The following VPS35L variants were observed in gnomAD, a reference collection of about 807,000 sequenced individuals.
The protein encoded by VPS35L is VPS35 endosomal protein sorting factor like.
A neutral mutation model predicts 133.0 loss-of-function variants in VPS35L; 83 were observed. The ratio of observed to expected loss-of-function variants is 0.62; its 90% CI spans 0.52 to 0.75. The LOEUF (loss-of-function observed/expected upper bound fraction) is 0.75, where lower values mean the gene tolerates loss of function less well. Ranked by LOEUF, VPS35L falls within the 30% of genes least tolerant of loss-of-function variation. VPS35L has a pLI of 0.00. For synonymous variants in VPS35L, 423 were observed against 449.9 expected (o/e 0.94, Z 0.76); for missense variants, 1,083 against 1,206.8 (o/e 0.90, Z 1.52).
chr16:19,624,693 A>C lies in VPS35L; in HGVS notation c.1225-1484A>C, dbSNP rs1597372185. On this transcript the variant is annotated intron_variant, in intron 14 of 30. Transcript: ENST00000417362. ...ATTCCTGGGCTCAAGCGAGCTTCCC[A>C]CCTCAGCCTCCCAAAGTGCTGGGAT... is the stretch of plus-strand genomic sequence containing the variant. Among the ~76,000 whole-genome samples the C allele has an allele frequency of 2.6e-5, 4 of 151,828 alleles. 1 individual carries two copies. The Middle Eastern group carries it at 0.014, about 516-fold the overall frequency.
chr16:19,561,022 A>AT (rs1971011719), intron 1 of VPS35L, among the ~76,000 whole-genome samples: 12 of 152,062 alleles, frequency 7.9e-5, no homozygotes, highest in Admixed American at 7.9e-4. Context: ...TTTTGTAAAT[A>AT]TGACCCCAGA....
At chr16:19,651,185 TG>T (rs1974112402) in intron 25 of VPS35L, among the ~76,000 whole-genome samples, 1 of 151,188 alleles carries the variant, frequency 6.6e-6, no homozygotes, top group Non-Finnish European at 1.5e-5. Flanking sequence ...CCTGGCCTGA[TG>T]TTAAACTTTG....
At chr16:19,675,210 C>T (rs72769513) in intron 27 of VPS35L, among the ~76,000 whole-genome samples, 32,269 of 151,470 alleles carry the variant, frequency 0.21, 4,082 homozygotes, top group Non-Finnish European at 0.28. Flanking sequence ...CTTGACTTCC[C>T]AAAGTGCTGG....
At chr16:19,654,378 A>T (rs987338801) in intron 26 of VPS35L, among the ~76,000 whole-genome samples, 1 of 149,498 alleles carries the variant, frequency 6.7e-6, no homozygotes, top group Admixed American at 6.6e-5. Context: ...TAGGACAGGC[A>T]CGTGTCTTCA....
Position 19,669,190 on chromosome 16 carries a change from T to A in VPS35L, c.2252T>A (p.Leu751His). 1 of 1,611,820 alleles carries A rather than the reference T, an allele frequency of 6.2e-7. No individual in the cohort carries two copies. Among genetic ancestry groups the A allele is most frequent in the Non-Finnish European group, 8.5e-7 (1 of 1,178,268 alleles). ...GCTTTTTTCAAAGCCGCTATAAGCCTTGTTCCGGAAGTTCCAAAGATGATT... is the reference window on the plus strand; with the variant it reads ...GCTTTTTTCAAAGCCGCTATAAGCCATGTTCCGGAAGTTCCAAAGATGATT... Reference protein sequence around the residue: ...ADAFFKAAISLVPEVPKMINI... With the variant: ...ADAFFKAAISHVPEVPKMINI... Residue 751 changes from leucine to histidine, a missense_variant, in exon 27 of 31, where the codon CTT becomes CAT. Physicochemically the swap from Leu to His is moderately conservative, Grantham distance 99. Coordinates refer to ENST00000417362, the MANE Select transcript of VPS35L (RefSeq NM_020314.7).
intron 29 of VPS35L, among the ~76,000 whole-genome samples, chr16:19,694,954 T>G (rs936164348): frequency 2.0e-5 from 3 of 149,716 alleles, no homozygotes; most frequent in Non-Finnish European, 4.4e-5. Context: ...TGCAGTGAGC[T>G]GAGATCACGC....
chr16:19,625,104 A>C (rs1206652479), intron 14 of VPS35L, among the ~76,000 whole-genome samples: 2 of 151,550 alleles, frequency 1.3e-5, no homozygotes, highest in Admixed American at 6.6e-5. Context: ...CCTTTGGCGG[A>C]GGCGGGGAAA....
At chr16:19,589,998 G>C (rs1256715587) in intron 7 of VPS35L, among the ~76,000 whole-genome samples, 1 of 152,132 alleles carries the variant, frequency 6.6e-6, no homozygotes, top group African/African-American at 2.4e-5. Flanking sequence ...AAATCTCATG[G>C]GGGCAGCTGT....
At chr16:19,630,931 T>C (rs1362260030) in intron 18 of VPS35L, among the ~76,000 whole-genome samples, 1 of 151,864 alleles carries the variant, frequency 6.6e-6, no homozygotes, top group Non-Finnish European at 1.5e-5. Context: ...ATCGCTTCAA[T>C]GTGGGAGGCA....
At chr16:19,673,458 C>G (rs192300905) in intron 27 of VPS35L, among the ~76,000 whole-genome samples, 20 of 152,332 alleles carry the variant, frequency 1.3e-4, no homozygotes, top group African/African-American at 4.3e-4. Flanking sequence ...GACCCATTAA[C>G]CCCATTTCTG....
chr16:19,575,608 A>T (rs1251084640), intron 5 of VPS35L, among the ~76,000 whole-genome samples: 7 of 150,896 alleles, frequency 4.6e-5, no homozygotes, highest in Non-Finnish European at 8.8e-5. Flanking sequence ...CACCTGTGTA[A>T]TCCCAGCACT....
At chr16:19,689,965 T>C (rs1049821683) in intron 28 of VPS35L, among the ~76,000 whole-genome samples, 8 of 152,134 alleles carry the variant, frequency 5.3e-5, no homozygotes, top group Non-Finnish European at 1.0e-4. Flanking sequence ...CATACTAGAG[T>C]GCAGTCATGT....
chr16:19,643,645 T>A (rs1448520979), intron 22 of VPS35L, among the ~76,000 whole-genome samples: 1 of 152,174 alleles, frequency 6.6e-6, no homozygotes, highest in Non-Finnish European at 1.5e-5. Flanking sequence ...TAGGGAATGT[T>A]GTTCTAAGAA....
At chr16:19,651,934 A>G (rs1974140108) in intron 25 of VPS35L, 42 bp from the exon 26 acceptor site, 3 of 1,369,276 alleles carry the variant, frequency 2.2e-6, no homozygotes, top group African/African-American at 2.9e-5. Flanking sequence ...TGATTCTGCC[A>G]CCGTTGCACT....
At chr16:19,672,653 G>T (rs1185489257) in intron 27 of VPS35L, among the ~76,000 whole-genome samples, 2 of 152,142 alleles carry the variant, frequency 1.3e-5, no homozygotes, top group East Asian at 3.9e-4. Flanking sequence ...CTGCAGGGAG[G>T]ATAGGCGGCA....
At chr16:19,622,446 C>A (rs1490517194) in intron 14 of VPS35L, among the ~76,000 whole-genome samples, 1 of 151,784 alleles carries the variant, frequency 6.6e-6, no homozygotes, top group East Asian at 1.9e-4. Flanking sequence ...CCGGCCCCCA[C>A]GTATATCAAA....
At chr16:19,692,697 G>A (rs1975738818) in intron 29 of VPS35L, among the ~76,000 whole-genome samples, 1 of 152,112 alleles carries the variant, frequency 6.6e-6, no homozygotes, top group African/African-American at 2.4e-5. Flanking sequence ...CCAAGTAGCT[G>A]GGATTCAGGT....
rs1976054029 is a variant in VPS35L, at chr16:19,699,906, T to C, written c.2793+258T>C. ...TGAGGCTAAGGGTTTGACACCAGCCTGGGCAACATAGTGAGACCAGGTCTC... is the reference window on the plus strand; with the variant it reads ...TGAGGCTAAGGGTTTGACACCAGCCCGGGCAACATAGTGAGACCAGGTCTC... On this transcript the variant is annotated intron_variant, in intron 30 of 30. Coordinates refer to ENST00000417362, the MANE Select transcript of VPS35L (RefSeq NM_020314.7). This position sits in a 1 kb window ranked among gnomAD's most constrained non-coding sequence, Gnocchi z 4.2. Among the ~76,000 whole-genome samples the C allele has an allele frequency of 6.6e-6, 1 of 152,138 alleles. No individual in the cohort carries two copies. The highest frequency in any genetic ancestry group is 2.4e-5 in the African/African-American group (1 of 41,424).
At chr16:19,682,458 A>C (rs1975318944) in intron 28 of VPS35L, 68 bp downstream of exon 28, 1 of 1,513,804 alleles carries the variant, frequency 6.6e-7, no homozygotes, top group South Asian at 1.2e-5. Flanking sequence ...GAATGCTTTC[A>C]TTTTCTCTTT....
Sources: gnomAD v4.1 joint callset for allele counts (sites outside exome capture counted in the v4.1 genomes callset) on GRCh38, gnomAD v4.1.1 for gene constraint, Gnocchi (gnomAD v3.1) non-coding constraint, MANE v1.5 for transcripts, NCBI Gene and HGNC (gene_info 2026-07-23, HGNC 2026-07-21) for gene names.